The following CLSTN2 variants were observed in gnomAD, a reference collection of about 807,000 sequenced individuals.
The protein encoded by CLSTN2 is calsyntenin-2.
CLSTN2 carries 48 observed loss-of-function variants against 101.2 expected under a neutral mutation model. The observed-to-expected ratio is 0.47, with a 90% CI of 0.38 to 0.60. The LOEUF (loss-of-function observed/expected upper bound fraction) is 0.60, where lower values mean the gene tolerates loss of function less well. Among genes scored for constraint, CLSTN2 ranks in the 20% least tolerant of loss-of-function variants. The probability of loss-of-function intolerance (pLI) is 0.00; values close to 1 mark genes in which losing one functional copy is unlikely to be tolerated. For synonymous variants in CLSTN2, 481 were observed against 463.6 expected, an observed-to-expected ratio of 1.04 and a Z score of -0.48; for missense variants, 1,160 against 1,238.2, an observed-to-expected ratio of 0.94 and a Z score of 0.95.
At chr3:140,546,863 T>A (rs1396599783) in intron 10 of CLSTN2, among the ~76,000 whole-genome samples, 182 bp downstream of exon 10, 1 of 152,148 alleles carries the variant, frequency 6.6e-6, no homozygotes, top group Non-Finnish European at 1.5e-5. Flanking sequence ...ACTTCCACAA[T>A]GGGCTTCTGC....
At chr3:140,287,823 C>T (rs1179012725) in intron 2 of CLSTN2, among the ~76,000 whole-genome samples, 7 of 152,096 alleles carry the variant, frequency 4.6e-5, no homozygotes, top group Non-Finnish European at 8.8e-5. Context: ...TAGGTCTATC[C>T]GATCCCCAAA....
At chr3:140,029,420 CT>C (rs1202440147) in intron 1 of CLSTN2, among the ~76,000 whole-genome samples, 1 of 152,068 alleles carries the variant, frequency 6.6e-6, no homozygotes, top group African/African-American at 2.4e-5. Context: ...AAATTTAGGT[CT>C]GTAAAGGAGG....
chr3:140,419,496 T>A (rs140687949), intron 4 of CLSTN2, among the ~76,000 whole-genome samples: 30,002 of 42,778 alleles, frequency 0.7, 12,590 homozygotes, highest in Middle Eastern at 0.83. Flanking sequence ...AAAAAAAAAA[T>A]ATATATATAT....
chr3:140,384,221 T>A (rs749315383), intron 2 of CLSTN2, among the ~76,000 whole-genome samples: 74 of 152,352 alleles, frequency 4.9e-4, no homozygotes, highest in Non-Finnish European at 9.3e-4. Context: ...TTGGCCATCA[T>A]GGCTCACAGC....
intron 1 of CLSTN2, among the ~76,000 whole-genome samples, chr3:140,098,779 G>C (rs1282241908): frequency 1.3e-5 from 2 of 152,210 alleles, no homozygotes; most frequent in African/African-American, 4.8e-5. Context: ...TACTGAGCTA[G>C]ACTTTGTGCT....
chr3:140,384,377 G>A (rs776190794), intron 2 of CLSTN2, among the ~76,000 whole-genome samples: 4 of 152,178 alleles, frequency 2.6e-5, no homozygotes, highest in Non-Finnish European at 5.9e-5. Flanking sequence ...CTTTTCTGCA[G>A]GAACCTAAAA....
intron 5 of CLSTN2, among the ~76,000 whole-genome samples, chr3:140,427,907 C>A (rs187561399): frequency 6.6e-6 from 1 of 152,274 alleles, no homozygotes; most frequent in African/African-American, 2.4e-5. Flanking sequence ...CTCTTGTCAA[C>A]TGAATGAAAT....
chr3:140,021,411 G>A (rs937317204), intron 1 of CLSTN2, among the ~76,000 whole-genome samples: 3 of 152,148 alleles, frequency 2.0e-5, no homozygotes, highest in African/African-American at 4.8e-5. Flanking sequence ...ACCCAATGGC[G>A]TGGCGTACCG....
At chr3:140,355,474 G>C (rs1484624959) in intron 2 of CLSTN2, among the ~76,000 whole-genome samples, 1 of 152,218 alleles carries the variant, frequency 6.6e-6, no homozygotes, top group Non-Finnish European at 1.5e-5. Flanking sequence ...AAGTTGCTCA[G>C]TAAATACGTC....
chr3:140,063,597 C>G (rs1480715505), intron 1 of CLSTN2, among the ~76,000 whole-genome samples: 1 of 152,162 alleles, frequency 6.6e-6, no homozygotes, highest in Non-Finnish European at 1.5e-5. Flanking sequence ...GAAAATAAAT[C>G]TTTTAAAAGT....
intron 1 of CLSTN2, among the ~76,000 whole-genome samples, chr3:140,028,137 T>C (rs1218916932): frequency 6.6e-6 from 1 of 152,138 alleles, no homozygotes; most frequent in East Asian, 1.9e-4. Context: ...TCAACTAGGA[T>C]GATGATCTCT....
rs2088499647 is a variant in CLSTN2, at chr3:140,421,112, C to T, written c.638-13C>T. ...ATTGACCTGAAATGCTTTTGAACAT[C>T]TCTGTTCCTCAGGCAACATCAGGAA... On this transcript the variant is annotated splice_polypyrimidine_tract_variant and intron_variant, in intron 4 of 16. Coordinates refer to ENST00000458420, the MANE Select transcript of CLSTN2 (RefSeq NM_022131.3). 6.2e-7 allele frequency: 1 copy of T among 1,612,522 alleles called. No individual in the cohort carries two copies. The highest frequency in any genetic ancestry group is 8.5e-7 in the Non-Finnish European group (1 of 1,179,550).
intron 2 of CLSTN2, among the ~76,000 whole-genome samples, chr3:140,218,509 T>C (rs1053273129): frequency 6.6e-6 from 1 of 152,186 alleles, no homozygotes; most frequent in Non-Finnish European, 1.5e-5. Context: ...CAGTCAATCA[T>C]GGCTTTATTG....
chr3:140,483,585 T>C (rs996566688), intron 8 of CLSTN2, among the ~76,000 whole-genome samples: 5 of 152,172 alleles, frequency 3.3e-5, no homozygotes, highest in Admixed American at 6.5e-5. Flanking sequence ...TCTAAGTCTC[T>C]TTGTAGGTCT....
chr3:140,102,183 G>C (rs1366750236), intron 1 of CLSTN2, among the ~76,000 whole-genome samples: 1 of 152,184 alleles, frequency 6.6e-6, no homozygotes, highest in Non-Finnish European at 1.5e-5. Context: ...TTCGTGATAA[G>C]GAAGGACACC....
rs918066822 is a variant in CLSTN2 at position 140,575,985 on chromosome 3, A to C, written c.*9732A>C. On this transcript the variant is annotated 3_prime_UTR_variant, in exon 17 of 17. Coordinates refer to ENST00000458420, the MANE Select transcript of CLSTN2 (RefSeq NM_022131.3). ...GTTGTTTACCGTTAGCTCTCAAAGC[A>C]GTGGGAATAGTGCTTGGCACATAGT... The C allele has an allele frequency of 6.6e-6, 1 of 152,222 alleles. No individual in the cohort carries two copies. The highest frequency in any genetic ancestry group is 1.5e-5 in the Non-Finnish European group (1 of 68,034). The allele number at this position is 152,222 out of a possible 1,614,324, so 9.4% of individuals were successfully genotyped here. A position where few individuals can be genotyped will look rare whatever the true frequency, so the allele number is the denominator to read the frequency against.
At chr3:140,379,159 C>T (rs1169434767) in intron 2 of CLSTN2, among the ~76,000 whole-genome samples, 1 of 152,218 alleles carries the variant, frequency 6.6e-6, no homozygotes, top group Non-Finnish European at 1.5e-5. Flanking sequence ...TGAAGAGGCA[C>T]AGATGAATCA....
At chr3:140,216,589 C>T (rs2010924221) in intron 2 of CLSTN2, among the ~76,000 whole-genome samples, 1 of 152,122 alleles carries the variant, frequency 6.6e-6, no homozygotes, top group South Asian at 2.1e-4. Flanking sequence ...GATTAGAATG[C>T]TAGGAAATTT....
At chr3:140,516,278 T>A (rs1205995892) in intron 8 of CLSTN2, among the ~76,000 whole-genome samples, 1 of 152,232 alleles carries the variant, frequency 6.6e-6, no homozygotes, top group African/African-American at 2.4e-5. Context: ...GGTGAATTTT[T>A]ATCCATTCTG....
Sources: allele counts gnomAD v4.1 joint callset (sites outside exome capture counted in the v4.1 genomes callset), GRCh38; gene constraint gnomAD v4.1.1; transcripts MANE v1.5; gene names NCBI Gene and HGNC (gene_info 2026-07-23, HGNC 2026-07-21).